WDHD1: variants seen among roughly 807,000 people sequenced by gnomAD.
WDHD1 encodes WD repeat and HMG-box DNA-binding protein 1.
In WDHD1, 111 loss-of-function variants were observed where a neutral mutation model predicts 135.4. The observed-to-expected ratio is 0.82, with a 90% CI of 0.70 to 0.96. WDHD1 has a LOEUF of 0.96. Among genes scored for constraint, WDHD1 ranks in the 40% least tolerant of loss-of-function variants. WDHD1 has a pLI of 0.00. For synonymous variants in WDHD1, 434 were observed against 439.0 expected (o/e 0.99, Z 0.14); for missense variants, 1,351 against 1,336.3 (o/e 1.01, Z -0.17).
intron 2 of WDHD1, among the ~76,000 whole-genome samples, chr14:55,017,211 G>A (rs981918435): frequency 1.2e-4 from 19 of 152,246 alleles, no homozygotes; most frequent in Non-Finnish European, 1.5e-4. Flanking sequence ...AGGAAATAGC[G>A]TTCAGCAGTC....
chr14:54,947,766 A>G (rs1403374147), intron 24 of WDHD1, among the ~76,000 whole-genome samples: 1 of 151,738 alleles, frequency 6.6e-6, no homozygotes. Context: ...AAACTTTTGT[A>G]TTTTTAATAG....
chr14:54,989,959 C>T (rs186723298), intron 12 of WDHD1, among the ~76,000 whole-genome samples: 32 of 152,170 alleles, frequency 2.1e-4, no homozygotes, highest in African/African-American at 7.7e-4. Flanking sequence ...CCATCACGCC[C>T]GGCAGAGGCA....
At chr14:54,965,698 G>A (rs2041329007) in intron 18 of WDHD1, among the ~76,000 whole-genome samples, 1 of 152,154 alleles carries the variant, frequency 6.6e-6, no homozygotes, top group African/African-American at 2.4e-5. Flanking sequence ...GCTCATGCCT[G>A]TGATCCCAGC....
intron 7 of WDHD1, among the ~76,000 whole-genome samples, 173 bp from the exon 8 acceptor site, chr14:55,002,358 A>G (rs1180479498): frequency 6.6e-6 from 1 of 152,050 alleles, no homozygotes; most frequent in Non-Finnish European, 1.5e-5. Context: ...TTGGTCTCTA[A>G]CTCCTGGGTT....
chr14:54,953,492 G>A (rs1427914220), intron 24 of WDHD1, among the ~76,000 whole-genome samples: 1 of 152,140 alleles, frequency 6.6e-6, no homozygotes, highest in Non-Finnish European at 1.5e-5. Flanking sequence ...GAGAGGATGT[G>A]GAGAAATAGG....
intron 4 of WDHD1, among the ~76,000 whole-genome samples, chr14:55,009,283 T>C (rs1245258818): frequency 6.6e-6 from 1 of 152,202 alleles, no homozygotes; most frequent in Non-Finnish European, 1.5e-5. Flanking sequence ...TATTTGCTAA[T>C]CTAATTATAG....
intron 11 of WDHD1, among the ~76,000 whole-genome samples, chr14:54,994,209 T>C (rs1040834380): frequency 6.6e-6 from 1 of 152,242 alleles, no homozygotes; most frequent in Non-Finnish European, 1.5e-5. Context: ...ATTTCTTTAA[T>C]AGATACAATA....
At position 54,981,563 on chromosome 14, in the gene WDHD1, G is replaced by C. The variant is rs952526759; in HGVS notation, c.2040C>G (p.Ile680Met). Reference protein sequence around the residue: ...GKSDHYWVVGIHENPQQLRCI... With the variant: ...GKSDHYWVVGMHENPQQLRCI... ...ACCTTAGTTGCTGGGGATTTTCATGGATACCAACCACCCAGTAGTGATCAG... is the reference window on the plus strand; with the variant it reads ...ACCTTAGTTGCTGGGGATTTTCATGCATACCAACCACCCAGTAGTGATCAG... The change falls in exon 16 of 26, where the codon ATC becomes ATG. Residue 680 changes from isoleucine (I) to methionine (M), a missense_variant. Transcript: ENST00000360586. 1.2e-5 allele frequency: 19 copies of C among 1,610,738 alleles called. No homozygotes were observed. The highest frequency in any genetic ancestry group is 1.6e-5 in the Non-Finnish European group (19 of 1,178,962).
intron 10 of WDHD1, among the ~76,000 whole-genome samples, chr14:54,999,019 T>C (rs2041936912): frequency 1.3e-5 from 2 of 152,328 alleles, no homozygotes; most frequent in African/African-American, 4.8e-5. Flanking sequence ...TCACTGTTCC[T>C]TTCTTTTACA....
At chr14:54,957,496 C>T (rs1265938818) in intron 22 of WDHD1, 96 bp downstream of exon 22, 9 of 1,130,974 alleles carry the variant, frequency 8.0e-6, no homozygotes, top group African/African-American at 7.9e-5. Context: ...GTCTTTCATG[C>T]CTCCAAGTCT....
intron 2 of WDHD1, among the ~76,000 whole-genome samples, chr14:55,014,575 G>T (rs941441776): frequency 2.0e-5 from 3 of 152,116 alleles, no homozygotes; most frequent in Non-Finnish European, 4.4e-5. Context: ...CTATCCAAAC[G>T]TGTTTCAAAT....
intron 2 of WDHD1, among the ~76,000 whole-genome samples, chr14:55,020,320 T>G (rs2042324046): frequency 6.6e-6 from 1 of 152,190 alleles, no homozygotes; most frequent in Non-Finnish European, 1.5e-5. Context: ...GCCTCCACAT[T>G]GCTAAATCTA....
intron 16 of WDHD1, among the ~76,000 whole-genome samples, chr14:54,977,847 A>C (rs1339667773): frequency 1.3e-5 from 2 of 152,090 alleles, no homozygotes; most frequent in Non-Finnish European, 2.9e-5. Flanking sequence ...GTTTTTAACA[A>C]GTTAAAATTC....
intron 13 of WDHD1, among the ~76,000 whole-genome samples, chr14:54,987,752 G>C (rs1390535683): frequency 6.6e-6 from 1 of 151,890 alleles, no homozygotes; most frequent in Non-Finnish European, 1.5e-5. Context: ...TCAGCCTCCC[G>C]AGTAGCTGGG....
chr14:54,962,541 C>G lies in WDHD1; in HGVS notation c.2658G>C (p.Ser886=). Residue 886 remains serine, a synonymous_variant, in exon 21 of 26, where the codon TCG becomes TCC. Transcript: ENST00000360586. ...CAGAGGAATTTGTACTTTTGGAAAACGAGTTCTGTCCTACAGATTAAAATA... is the reference window on the plus strand; with the variant it reads ...CAGAGGAATTTGTACTTTTGGAAAAGGAGTTCTGTCCTACAGATTAAAATA... The part of the protein sequence containing the change: ...KPEIHKPGQN[S]FSKSTNSSDV... The G allele has an allele frequency of 6.2e-7, 1 of 1,609,590 alleles. No homozygotes were observed. Among genetic ancestry groups the G allele is most frequent in the Non-Finnish European group, 8.5e-7 (1 of 1,176,898 alleles).
chr14:54,961,212 C>T (rs2041246322), intron 21 of WDHD1, among the ~76,000 whole-genome samples: 2 of 152,004 alleles, frequency 1.3e-5, no homozygotes, highest in African/African-American at 2.4e-5. Context: ...AAATCCTGAC[C>T]GGGTGTGGTG....
chr14:54,997,106 T>C (rs1309617462), intron 10 of WDHD1, among the ~76,000 whole-genome samples: 1 of 145,928 alleles, frequency 6.9e-6, no homozygotes, highest in African/African-American at 2.5e-5. Context: ...TTTTTTTTTT[T>C]TTTTTTTGAC....
intron 2 of WDHD1, among the ~76,000 whole-genome samples, chr14:55,015,622 G>A (rs143148619): frequency 2.0e-5 from 3 of 152,120 alleles, no homozygotes; most frequent in African/African-American, 4.8e-5. Flanking sequence ...GGATTCAGAT[G>A]TAAGACCCTA....
At chr14:54,963,478 A>G (rs1023601593) in intron 18 of WDHD1, among the ~76,000 whole-genome samples, 2 of 152,118 alleles carry the variant, frequency 1.3e-5, no homozygotes, top group East Asian at 3.8e-4. Context: ...TTAATCTACT[A>G]ATTGCAAGAA....
Sources: allele counts gnomAD v4.1 joint callset (sites outside exome capture counted in the v4.1 genomes callset), GRCh38; gene constraint gnomAD v4.1.1; transcripts MANE v1.5; gene names NCBI Gene and HGNC (gene_info 2026-07-23, HGNC 2026-07-21).